FNIP1: variants seen among roughly 807,000 people sequenced by gnomAD.
FNIP1 encodes the protein folliculin interacting protein 1.
FNIP1 carries 40 observed loss-of-function variants against 124.5 expected under a neutral mutation model. The ratio of observed to expected loss-of-function variants is 0.32; its 90% CI spans 0.25 to 0.42. The LOEUF is 0.42. FNIP1 is among the 10% of genes least tolerant of loss of function. FNIP1 has a pLI of 1.00. For synonymous variants in FNIP1, 472 were observed against 470.6 expected (o/e 1.00, Z -0.04); for missense variants, 1,176 against 1,403.7 (o/e 0.84, Z 2.59).
intron 1 of FNIP1, among the ~76,000 whole-genome samples, chr5:131,776,095 T>A (rs1331622445): frequency 6.6e-6 from 1 of 152,224 alleles, no homozygotes; most frequent in Non-Finnish European, 1.5e-5. Flanking sequence ...CTTGGCAGCA[T>A]CTTTGTATCC....
At chr5:131,674,050 T>C (rs997556475) in intron 13 of FNIP1, among the ~76,000 whole-genome samples, 29 of 151,374 alleles carry the variant, frequency 1.9e-4, no homozygotes, top group Non-Finnish European at 3.5e-4. Context: ...AAAATAAAAA[T>C]AATAAAAAAT....
At chr5:131,731,176 G>T in intron 2 of FNIP1, 138 bp from the exon 3 acceptor site, 1 of 728,354 alleles carries the variant, frequency 1.4e-6, no homozygotes. Flanking sequence ...TTGGCATTTT[G>T]CTGTATTTTC....
chr5:131,710,711 C>G (rs1306243527), intron 6 of FNIP1, 50 bp from the exon 7 acceptor site: 1 of 1,529,754 alleles, frequency 6.5e-7, no homozygotes, highest in South Asian at 1.2e-5. Context: ...GTTAGAGAAG[C>G]CACAATGCGT....
intron 2 of FNIP1, among the ~76,000 whole-genome samples, chr5:131,739,100 G>A (rs1263557902): frequency 6.6e-6 from 1 of 152,182 alleles, no homozygotes. Context: ...ACAGGCGTGA[G>A]CCACTGCACC....
intron 1 of FNIP1, among the ~76,000 whole-genome samples, chr5:131,778,382 A>G (rs1299017797): frequency 1.3e-5 from 2 of 152,102 alleles, no homozygotes; most frequent in African/African-American, 4.8e-5. Flanking sequence ...GCAGCCAAAA[A>G]ACACATGAAA....
chr5:131,778,589 G>T (rs928369464), intron 1 of FNIP1, among the ~76,000 whole-genome samples: 7 of 130,300 alleles, frequency 5.4e-5, no homozygotes, highest in South Asian at 5.8e-4. Context: ...TCAGTGTGGC[G>T]ATTCCTCAGG....
rs559274744 is a variant in FNIP1 at position 131,766,858 on chromosome 5, G to A, written c.93-22168C>T. Among the ~76,000 whole-genome samples the A allele has an allele frequency of 3.9e-4, 60 of 152,156 alleles. 1 individual carries two copies. Among genetic ancestry groups the A allele is most frequent in the Admixed American group, 1.5e-3 (23 of 15,286 alleles). On this transcript the variant is annotated intron_variant, in intron 1 of 17. Coordinates refer to ENST00000510461, the MANE Select transcript of FNIP1 (RefSeq NM_133372.3). ...GTTCCAGCTCCAGAAGAAAGACAGA[G>A]GAAATCCCATTTCCTCTGCCTTTTT...
intron 17 of FNIP1, among the ~76,000 whole-genome samples, chr5:131,645,847 G>C (rs1766865154): frequency 6.6e-6 from 1 of 152,136 alleles, no homozygotes; most frequent in Admixed American, 6.6e-5. Context: ...TCAAGATATA[G>C]TAAAAGGCAA....
chr5:131,693,325 T>A (rs1387926330), intron 11 of FNIP1, among the ~76,000 whole-genome samples: 5 of 60,692 alleles, frequency 8.2e-5, no homozygotes, highest in Middle Eastern at 7.6e-3. Context: ...TACACATATA[T>A]ATATATACAT....
chr5:131,724,621 GC>G (rs1237993015), intron 3 of FNIP1, among the ~76,000 whole-genome samples: 10 of 152,006 alleles, frequency 6.6e-5, no homozygotes, highest in African/African-American at 2.2e-4. Flanking sequence ...TGTCAGATGG[GC>G]TAATTGCAAA....
chr5:131,716,715 T>G lies in FNIP1; in HGVS notation c.531-59A>C. ...TCATTTTATGGTTTAAGGACAATTC[T>G]TTGTACATCCTGATGAAATTTTAAG... On this transcript the variant is annotated intron_variant, in intron 5 of 17. Coordinates refer to ENST00000510461, the MANE Select transcript of FNIP1 (RefSeq NM_133372.3). 3 of 1,041,444 alleles carry G rather than the reference T, an allele frequency of 2.9e-6. No homozygotes were observed. In the East Asian group the frequency reaches 7.9e-5, roughly 27 times the overall value. 64.5% of individuals were successfully genotyped at this position (1,041,444 alleles called of 1,614,324 possible). A position where few individuals can be genotyped will look rare whatever the true frequency, so the allele number is the denominator to read the frequency against.
At chr5:131,747,787 T>C (rs934944444) in intron 1 of FNIP1, among the ~76,000 whole-genome samples, 1 of 151,996 alleles carries the variant, frequency 6.6e-6, no homozygotes, top group Non-Finnish European at 1.5e-5. Flanking sequence ...AAACCTCAAG[T>C]AGAGTGAGAG....
At chr5:131,722,614 A>G (rs905543914) in intron 3 of FNIP1, among the ~76,000 whole-genome samples, 1 of 152,158 alleles carries the variant, frequency 6.6e-6, no homozygotes, top group Non-Finnish European at 1.5e-5. Context: ...CCACGTTTAA[A>G]TATTTGTACT....
chr5:131,786,169 A>G (rs995242414), intron 1 of FNIP1, among the ~76,000 whole-genome samples: 6 of 152,248 alleles, frequency 3.9e-5, no homozygotes, highest in Non-Finnish European at 8.8e-5. Context: ...CATCTTTGTT[A>G]AATGAATTAG....
intron 1 of FNIP1, among the ~76,000 whole-genome samples, chr5:131,792,254 G>A (rs1489159334): frequency 4.0e-5 from 6 of 150,150 alleles, no homozygotes; most frequent in African/African-American, 7.4e-5. Context: ...TCCGCCTCCC[G>A]GGTTCAAGCG....
At chr5:131,647,536 C>T (rs145350445) in intron 16 of FNIP1, among the ~76,000 whole-genome samples, 18 of 151,908 alleles carry the variant, frequency 1.2e-4, no homozygotes, top group African/African-American at 3.4e-4. Flanking sequence ...GTGCAAAGCG[C>T]GACCACAGCT....
chr5:131,660,460 T>A (rs558525128), intron 15 of FNIP1, among the ~76,000 whole-genome samples: 2 of 152,152 alleles, frequency 1.3e-5, no homozygotes, highest in Non-Finnish European at 2.9e-5. Context: ...CCCACTCCTG[T>A]AGCCCCATCC....
At chr5:131,725,867 T>G (rs985121242) in intron 3 of FNIP1, among the ~76,000 whole-genome samples, 1 of 152,224 alleles carries the variant, frequency 6.6e-6, no homozygotes, top group South Asian at 2.1e-4. Flanking sequence ...TTGAGATATA[T>G]TCCATCAATA....
chr5:131,781,888 T>C (rs921466453), intron 1 of FNIP1, among the ~76,000 whole-genome samples: 1 of 151,890 alleles, frequency 6.6e-6, no homozygotes, highest in African/African-American at 2.4e-5. Context: ...CCAGGTGTGG[T>C]GGCTCATGAC....
Sources: gnomAD v4.1 joint callset for allele counts (sites outside exome capture counted in the v4.1 genomes callset) on GRCh38, gnomAD v4.1.1 for gene constraint, MANE v1.5 for transcripts, NCBI Gene and HGNC (gene_info 2026-07-23, HGNC 2026-07-21) for gene names.